The following NSL1 variants were observed in gnomAD, a reference collection of about 807,000 sequenced individuals.
The protein encoded by NSL1 is kinetochore-associated protein NSL1 homolog.
NSL1 carries 11 observed loss-of-function variants against 25.4 expected under a neutral mutation model. That is an observed-to-expected ratio of 0.43 (90% CI 0.27 to 0.72). The LOEUF (loss-of-function observed/expected upper bound fraction) is 0.72, where lower values mean the gene tolerates loss of function less well. Among genes scored for constraint, NSL1 ranks in the 30% least tolerant of loss-of-function variants. NSL1 has a pLI of 0.19. For synonymous variants in NSL1, 118 were observed against 120.6 expected (o/e 0.98, Z 0.14); for missense variants, 330 against 342.7 (o/e 0.96, Z 0.29).
intron 4 of NSL1, among the ~76,000 whole-genome samples, chr1:212,772,264 CAGA>C (rs1660155778): frequency 6.6e-6 from 1 of 152,166 alleles, no homozygotes; most frequent in South Asian, 2.1e-4. Context: ...GTGCACAAAT[CAGA>C]AGAATTAACA....
intron 4 of NSL1, chr1:212,766,417 C>T (rs1040246759): frequency 2.2e-5 from 9 of 403,064 alleles, no homozygotes; most frequent in East Asian, 1.1e-4. Context: ...GTGATATGAT[C>T]GTATACCTTA....
rs1660121932 is a variant in NSL1 at position 212,771,638 on chromosome 1, GAACT to G, written c.499+10730_499+10733del. Among the ~76,000 whole-genome samples the G allele has an allele frequency of 1.0e-4, 11 of 108,546 alleles. No individual in the cohort carries two copies. The South Asian group carries it at 3.1e-3, about 30-fold the overall frequency. 71.2% of individuals were successfully genotyped at this position (108,546 alleles called of 152,430 possible). A position where few individuals can be genotyped will look rare whatever the true frequency, so the allele number is the denominator to read the frequency against. On this transcript the variant is annotated intron_variant, in intron 4 of 5. Transcript: ENST00000366977. ...AAAAAAAAAAAAAAAAAAAACCTTA[GAACT>G]AATAGACAAATTCAGTAAAGTTGCA...
intron 3 of NSL1, among the ~76,000 whole-genome samples, chr1:212,782,793 CA>C (rs917253128): frequency 1.3e-4 from 20 of 152,158 alleles, no homozygotes; most frequent in African/African-American, 4.3e-4. Flanking sequence ...GTTTAGAACT[CA>C]AAATGCATAT....
rs1247091338 is a variant in NSL1, at chr1:212,736,800, T to C, written c.*1608A>G. On this transcript the variant is annotated 3_prime_UTR_variant, in exon 6 of 6. Transcript: ENST00000366977. ...TCACATTTCCTTAATCGATTCCTTG[T>C]TTCTCTGCTGAATACTTCAGAGCAA... The C allele has an allele frequency of 2.0e-6, 2 of 985,146 alleles. No individual in the cohort carries two copies. The highest frequency in any genetic ancestry group is 6.1e-5 in the Admixed American group (1 of 16,270). The allele number at this position is 985,146 out of a possible 1,614,324, so 61.0% of individuals were successfully genotyped here.
intron 4 of NSL1, among the ~76,000 whole-genome samples, chr1:212,771,632 A>C (rs916602453): frequency 6.6e-6 from 1 of 151,020 alleles, no homozygotes; most frequent in African/African-American, 2.4e-5. Context: ...AAAAAAAAAA[A>C]CCTTAGAACT....
At position 212,732,723 on chromosome 1, in the gene NSL1, T is replaced by C. The variant is rs1658074277; in HGVS notation, c.*5685A>G. The C allele has an allele frequency of 2.1e-6, 2 of 934,032 alleles. No homozygotes were observed. The allele number at this position is 934,032 out of a possible 1,614,324, so 57.9% of individuals were successfully genotyped here. Reference sequence around the variant, plus strand: ...GATCCCATGGCTGCTGCTTTTTTGGTTTACCCTTTGGAATAGAGCACAGCC... The same window carrying C: ...GATCCCATGGCTGCTGCTTTTTTGGCTTACCCTTTGGAATAGAGCACAGCC... On this transcript the variant is annotated 3_prime_UTR_variant, in exon 6 of 6. Transcript: ENST00000366977.
chr1:212,735,958 G>A lies in NSL1; in HGVS notation c.*2450C>T. 1 of 985,428 alleles carries A rather than the reference G, an allele frequency of 1.0e-6. No homozygotes were observed. Among genetic ancestry groups the A allele is most frequent in the Non-Finnish European group, 1.2e-6 (1 of 829,912 alleles). 61.0% of individuals were successfully genotyped at this position (985,428 alleles called of 1,614,324 possible). A position where few individuals can be genotyped will look rare whatever the true frequency, so the allele number is the denominator to read the frequency against. ...GTTATAGTAGCCTAAATAAACAAAT[G>A]TAGATTTTGGTACCAGTTTTCAGAA... On this transcript the variant is annotated 3_prime_UTR_variant, in exon 6 of 6. Transcript: ENST00000366977.
Position 212,739,568 on chromosome 1 carries a change from T to G in NSL1, c.533A>C (p.Glu178Ala), listed in dbSNP as rs142218753. 6.2e-7 allele frequency: 1 copy of G among 1,613,678 alleles called. No individual in the cohort carries two copies. The highest frequency in any genetic ancestry group is 1.3e-5 in the African/African-American group (1 of 75,028). Residue 178 changes from glutamate (E) to alanine (A), a missense_variant, in exon 5 of 6, where the codon GAA (glutamate) becomes GCA (alanine). Coordinates refer to ENST00000366977, the MANE Select transcript of NSL1 (RefSeq NM_015471.4). Reference protein sequence around the residue: ...PHMENLKCRGETVAKEISEAM... With the variant: ...PHMENLKCRGATVAKEISEAM... ...TTCACTGATCTCCTTTGCTACTGTT[T>G]CCCCTCTGCATTTCAAATTTTCCAT...
intron 4 of NSL1, among the ~76,000 whole-genome samples, chr1:212,754,734 A>T (rs1659220474): frequency 7.6e-6 from 1 of 131,872 alleles, no homozygotes; most frequent in African/African-American, 2.7e-5. Flanking sequence ...CAACCATTAC[A>T]TTCCAGCCTG....
chr1:212,741,562 C>T (rs1201121229), intron 4 of NSL1, among the ~76,000 whole-genome samples: 3 of 152,168 alleles, frequency 2.0e-5, no homozygotes, highest in Non-Finnish European at 4.4e-5. Context: ...CTGTTCCATC[C>T]ATGTGAGGTG....
intron 3 of NSL1, among the ~76,000 whole-genome samples, chr1:212,782,753 CTG>C (rs1250005321): frequency 1.3e-5 from 2 of 152,144 alleles, no homozygotes; most frequent in Admixed American, 6.5e-5. Flanking sequence ...TATGAAGGGA[CTG>C]TGTTTCAAAA....
At chr1:212,775,927 A>C (rs1194702001) in intron 4 of NSL1, among the ~76,000 whole-genome samples, 1 of 151,858 alleles carries the variant, frequency 6.6e-6, no homozygotes, top group Non-Finnish European at 1.5e-5. Flanking sequence ...TCCCAGGTTC[A>C]CGCCATTCTT....
chr1:212,744,830 T>C (rs1372195891), intron 4 of NSL1, among the ~76,000 whole-genome samples: 1 of 152,062 alleles, frequency 6.6e-6, no homozygotes, highest in Non-Finnish European at 1.5e-5. Context: ...GTGGGTACCA[T>C]CAAGCCCATC....
intron 1 of NSL1, among the ~76,000 whole-genome samples, chr1:212,788,354 A>G (rs1661036823): frequency 6.6e-6 from 1 of 152,210 alleles, no homozygotes; most frequent in South Asian, 2.1e-4. Context: ...TTGAGAATAC[A>G]GTGAGCTATG....
chr1:212,731,185 A>AG lies in NSL1; in HGVS notation c.*7222dup, dbSNP rs1399708523. The AG allele has an allele frequency of 1.0e-5, 9 of 883,602 alleles. No homozygotes were observed. The highest frequency in any genetic ancestry group is 2.1e-4 in the East Asian group (1 of 4,844). The allele number at this position is 883,602 out of a possible 1,614,324, so 54.7% of individuals were successfully genotyped here. A position where few individuals can be genotyped will look rare whatever the true frequency, so the allele number is the denominator to read the frequency against. On this transcript the variant is annotated 3_prime_UTR_variant, in exon 6 of 6. Transcript: ENST00000366977. ...TTTGCAAAACAAATGGTCAGAGGGGAGAAAAAAAAAAAAACCTGAAGAAAC... is the reference window on the plus strand; with the variant it reads ...TTTGCAAAACAAATGGTCAGAGGGGAGGAAAAAAAAAAAAACCTGAAGAAAC...
In NSL1 at chr1:212,730,694, C is replaced by T; in HGVS notation, c.*7714G>A. 1 of 985,342 alleles carries T rather than the reference C, an allele frequency of 1.0e-6. No homozygotes were observed. The highest frequency in any genetic ancestry group is 1.2e-6 in the Non-Finnish European group (1 of 829,918). 61.0% of individuals were successfully genotyped at this position (985,342 alleles called of 1,614,324 possible). On this transcript the variant is annotated 3_prime_UTR_variant, in exon 6 of 6. Transcript: ENST00000366977. ...TGTCACTGAGGGATGTCAATGCCATCCTCTGCTCTTATGTCCTGCAGGGAT... is the reference window on the plus strand; with the variant it reads ...TGTCACTGAGGGATGTCAATGCCATTCTCTGCTCTTATGTCCTGCAGGGAT...
chr1:212,779,176 G>A (rs372970456), intron 4 of NSL1, among the ~76,000 whole-genome samples: 53 of 148,962 alleles, frequency 3.6e-4, no homozygotes, highest in Middle Eastern at 7.6e-3. Flanking sequence ...CAACCACACC[G>A]TCTGGGAAGT....
intron 3 of NSL1, 142 bp from the exon 4 acceptor site, chr1:212,782,568 G>C: frequency 3.1e-6 from 2 of 648,944 alleles, no homozygotes; most frequent in Non-Finnish European, 5.4e-6. Flanking sequence ...CTGTAGGGAA[G>C]AGGAGGTGAG....
chr1:212,736,188 C>T lies in NSL1; in HGVS notation c.*2220G>A. 1 of 569,480 alleles carries T rather than the reference C, an allele frequency of 1.8e-6. No individual in the cohort carries two copies. Among genetic ancestry groups the T allele is most frequent in the Non-Finnish European group, 2.2e-6 (1 of 449,746 alleles). 35.3% of individuals were successfully genotyped at this position (569,480 alleles called of 1,614,324 possible). On this transcript the variant is annotated 3_prime_UTR_variant, in exon 6 of 6. Transcript: ENST00000366977. ...GGGTGGCTGGGACTACAGGTGTGTG[C>T]CATCACACCCTGCTAATTTTTGTAT...
Sources: gnomAD v4.1 joint callset for allele counts (sites outside exome capture counted in the v4.1 genomes callset) on GRCh38, gnomAD v4.1.1 for gene constraint, MANE v1.5 for transcripts, NCBI Gene and HGNC (gene_info 2026-07-23, HGNC 2026-07-21) for gene names.